The following MAP3K9 variants were observed in gnomAD, a reference collection of about 807,000 sequenced individuals.
The protein encoded by MAP3K9 is mixed lineage kinase 1 (tyr and ser/thr specificity).
Under a neutral mutation model 95.8 loss-of-function variants are expected in MAP3K9, and 46 were observed. That is an observed-to-expected ratio of 0.48 (90% CI 0.38 to 0.61). MAP3K9 has a LOEUF of 0.61. Among genes scored for constraint, MAP3K9 ranks in the 20% least tolerant of loss-of-function variants. MAP3K9 has a pLI of 0.00. For synonymous variants in MAP3K9, 533 were observed against 593.8 expected, an observed-to-expected ratio of 0.90 and a Z score of 1.49; for missense variants, 1,296 against 1,474.3, an observed-to-expected ratio of 0.88 and a Z score of 1.98.
At chr14:70,730,930 A>C in intron 11 of MAP3K9, 66 bp from the exon 12 acceptor site, 1 of 1,481,100 alleles carries the variant, frequency 6.8e-7, no homozygotes, top group Non-Finnish European at 9.0e-7. Context: ...GATATCCGCT[A>C]CTCCCCCCCA....
intron 3 of MAP3K9, among the ~76,000 whole-genome samples, chr14:70,759,458 A>G (rs1447745430): frequency 1.3e-5 from 2 of 152,118 alleles, no homozygotes. Context: ...ATAAATAAAT[A>G]AAAATAAAGT....
At chr14:70,787,161 T>C (rs1361045092) in intron 2 of MAP3K9, among the ~76,000 whole-genome samples, 4 of 152,094 alleles carry the variant, frequency 2.6e-5, no homozygotes, top group Admixed American at 6.6e-5. Context: ...TATTGCCTCA[T>C]AAGCCACATC....
chr14:70,738,486 A>G (rs2054017980), intron 7 of MAP3K9, 88 bp from the exon 8 acceptor site: 2 of 1,184,836 alleles, frequency 1.7e-6, no homozygotes, highest in South Asian at 2.9e-5. Context: ...ACACACACAC[A>G]CATTTGGAGC....
At chr14:70,803,170 C>G (rs1411714853) in intron 1 of MAP3K9, among the ~76,000 whole-genome samples, 5 of 151,984 alleles carry the variant, frequency 3.3e-5, no homozygotes, top group Admixed American at 2.6e-4. Context: ...TGAGGCCTCA[C>G]CAGAGCCAAG....
At chr14:70,801,880 A>G (rs139972389) in intron 1 of MAP3K9, among the ~76,000 whole-genome samples, 32 of 152,278 alleles carry the variant, frequency 2.1e-4, no homozygotes, top group African/African-American at 7.5e-4. Context: ...TGGAGTACGA[A>G]GTATACGGTA....
At chr14:70,798,505 G>A (rs1448980163) in intron 2 of MAP3K9, among the ~76,000 whole-genome samples, 1 of 93,558 alleles carries the variant, frequency 1.1e-5, no homozygotes, top group Non-Finnish European at 2.3e-5. Context: ...TTGAGACGGA[G>A]TCTCGCTCTG....
In MAP3K9 at chr14:70,789,472, CA is replaced by C. The variant is rs376809099; in HGVS notation, c.820+11194del. ...AAAGCACAGTGCCATTTACTGAATGCAGTGCCTGTGTGATACTGACACATAA... is the reference window on the plus strand; with the variant it reads ...AAAGCACAGTGCCATTTACTGAATGCGTGCCTGTGTGATACTGACACATAA... On this transcript the variant is annotated intron_variant, in intron 2 of 11. Transcript: ENST00000554752. 1.6e-4 allele frequency among the ~76,000 whole-genome samples: 24 copies of C among 152,322 alleles called. No homozygotes were observed. In the East Asian group the frequency reaches 4.6e-3, roughly 29 times the overall value.
rs1463538851 is a variant in MAP3K9 at position 70,732,601 on chromosome 14, G to C, written c.2768C>G (p.Pro923Arg). Residue 923 changes from proline (P) to arginine (R), a missense_variant, in exon 11 of 12, where the codon CCA becomes CGA. Coordinates refer to ENST00000554752, the MANE Select transcript of MAP3K9 (RefSeq NM_001284230.2). ...RRTPSDGALK[P>R]ETLLASRSPS... ...GCTCCTGCTGGCTAGGAGAGTCTCT[G>C]GCTTAAGGGCCCCATCAGAAGGAGT... 3 of 1,606,862 alleles carry C rather than the reference G, an allele frequency of 1.9e-6. No individual in the cohort carries two copies. The highest frequency in any genetic ancestry group is 1.7e-5 in the Admixed American group (1 of 59,286).
intron 8 of MAP3K9, among the ~76,000 whole-genome samples, chr14:70,737,090 G>A (rs1005394017): frequency 2.6e-5 from 4 of 152,108 alleles, no homozygotes; most frequent in Non-Finnish European, 5.9e-5. Context: ...GAGACTGCTG[G>A]CTATCCTCGC....
intron 2 of MAP3K9, among the ~76,000 whole-genome samples, chr14:70,784,783 C>G (rs993413234): frequency 2.6e-5 from 4 of 152,056 alleles, no homozygotes; most frequent in Non-Finnish European, 4.4e-5. Flanking sequence ...TTTGGAGGGG[C>G]CCTGGGGAAA....
chr14:70,762,309 C>A, intron 2 of MAP3K9, among the ~76,000 whole-genome samples: 1 of 152,100 alleles, frequency 6.6e-6, no homozygotes, highest in East Asian at 1.9e-4. Flanking sequence ...TTGAAGGAAC[C>A]ACCAAATTGT....
At chr14:70,805,519 C>A (rs2054980459) in intron 1 of MAP3K9, among the ~76,000 whole-genome samples, 1 of 152,170 alleles carries the variant, frequency 6.6e-6, no homozygotes, top group South Asian at 2.1e-4. Context: ...TAACAAGTAC[C>A]TACAATGGAG....
Position 70,733,304 on chromosome 14 carries a change from G to A in MAP3K9, c.2065C>T (p.Arg689Cys), listed in dbSNP as rs185207367. ...GACTGGCTGGGTGAATGCTGTAGGC[G>A]ACTCTCTCCACTCCCTGGGCCTTCA... ...DSEGPGSGES[R>C]LQHSPSQSYL... The change falls in exon 11 of 12, where the codon CGC (arginine) becomes TGC (cysteine). Residue 689 changes from arginine (R) to cysteine (C), a missense_variant. Coordinates refer to ENST00000554752, the MANE Select transcript of MAP3K9 (RefSeq NM_001284230.2). 2.7e-5 allele frequency: 42 copies of A among 1,572,812 alleles called. No individual in the cohort carries two copies. The East Asian group carries it at 8.3e-4, about 31-fold the overall frequency.
intron 3 of MAP3K9, among the ~76,000 whole-genome samples, chr14:70,759,554 A>C (rs1338180012): frequency 6.6e-6 from 1 of 152,218 alleles, no homozygotes; most frequent in Non-Finnish European, 1.5e-5. Flanking sequence ...TCCTTATTTG[A>C]GTCATTATCT....
chr14:70,781,239 C>G (rs560401257), intron 2 of MAP3K9, among the ~76,000 whole-genome samples: 2 of 152,344 alleles, frequency 1.3e-5, no homozygotes, highest in South Asian at 4.1e-4. Context: ...CAGCCTTGAG[C>G]CACTATGTAA....
chr14:70,733,932 A>G (rs1334231064), intron 10 of MAP3K9: 2 of 654,978 alleles, frequency 3.1e-6, no homozygotes, highest in East Asian at 2.7e-5. Flanking sequence ...CAGCCTTTGG[A>G]CTCTCAGACT....
intron 2 of MAP3K9, among the ~76,000 whole-genome samples, chr14:70,777,557 G>A (rs2054616156): frequency 6.6e-6 from 1 of 152,112 alleles, no homozygotes. Flanking sequence ...TCACATCCCA[G>A]GGTTCAGAAA....
chr14:70,746,259 T>C (rs2054145203), intron 5 of MAP3K9, among the ~76,000 whole-genome samples: 2 of 152,208 alleles, frequency 1.3e-5, no homozygotes. Context: ...CTCACAATAA[T>C]ACTTAGAAAC....
chr14:70,790,395 C>G (rs1057498375), intron 2 of MAP3K9, among the ~76,000 whole-genome samples: 1 of 152,202 alleles, frequency 6.6e-6, no homozygotes, highest in Non-Finnish European at 1.5e-5. Context: ...GGCAGGACCT[C>G]AGAGACCACC....
Sources: gnomAD v4.1 joint callset for allele counts (sites outside exome capture counted in the v4.1 genomes callset) on GRCh38, gnomAD v4.1.1 for gene constraint, MANE v1.5 for transcripts, NCBI Gene and HGNC (gene_info 2026-07-23, HGNC 2026-07-21) for gene names.